Variants in SHISAL2B observed in about 807,000 individuals in gnomAD.
The protein encoded by SHISAL2B is shisa like 2B, also known as protein shisa-like-2B.
A neutral mutation model predicts 16.5 loss-of-function variants in SHISAL2B; 12 were observed. The ratio of observed to expected loss-of-function variants is 0.73; its 90% CI spans 0.47 to 1.18. SHISAL2B has a LOEUF of 1.18. SHISAL2B is among the 50% of genes most tolerant of loss of function. The pLI is 0.00. For missense variants in SHISAL2B, 183 were observed against 193.6 expected, an observed-to-expected ratio of 0.95 and a Z score of 0.33; for synonymous variants, 72 against 75.0, an observed-to-expected ratio of 0.96 and a Z score of 0.21.
chr5:64,695,446 C>T (rs1580518514), intron 1 of SHISAL2B, 61 bp from the exon 2 acceptor site: 2 of 1,178,776 alleles, frequency 1.7e-6, no homozygotes, highest in South Asian at 1.8e-5. Context: ...TATGCCTTCT[C>T]TTTAGTTGAA....
intron 1 of SHISAL2B, chr5:64,694,206 C>A: frequency 2.5e-6 from 1 of 398,662 alleles, no homozygotes; most frequent in Non-Finnish European, 4.9e-6. Flanking sequence ...ACAGGTAGAT[C>A]AATTGGCAGT....
intron 1 of SHISAL2B, chr5:64,691,374 AGTGTGTGTGTGT>A (rs55773294): frequency 7.1e-6 from 1 of 140,212 alleles, no homozygotes; most frequent in Admixed American, 7.0e-5. Context: ...TATTTTTAAA[AGTGTGTGTGTGT>A]GTGTGTGTGT....
chr5:64,690,655 A>G lies in SHISAL2B; in HGVS notation c.32A>G (p.Tyr11Cys). MSEASRLCSGYYSLNQSFVEP... is the reference protein window; with the variant it reads MSEASRLCSGCYSLNQSFVEP... ...GAGGCCAGCCGACTGTGCTCCGGCTACTACAGCCTCAACCAGAGCTTCGTG... is the reference window on the plus strand; with the variant it reads ...GAGGCCAGCCGACTGTGCTCCGGCTGCTACAGCCTCAACCAGAGCTTCGTG... Residue 11 changes from tyrosine to cysteine, a missense_variant, in exon 1 of 3, where the codon TAC becomes TGC. Transcript: ENST00000389074. 1 of 1,526,420 alleles carries G rather than the reference A, an allele frequency of 6.6e-7. No homozygotes were observed. The highest frequency in any genetic ancestry group is 8.8e-7 in the Non-Finnish European group (1 of 1,140,982). The allele number at this position is 1,526,420 out of a possible 1,614,324, so 94.6% of individuals were successfully genotyped here.
chr5:64,711,162 T>C (rs1419657493), intron 2 of SHISAL2B, among the ~76,000 whole-genome samples: 1 of 113,336 alleles, frequency 8.8e-6, no homozygotes. Context: ...CAGTATGATA[T>C]TGGCTGTGGG....
chr5:64,717,572 C>G (rs1580530596), intron 2 of SHISAL2B, among the ~76,000 whole-genome samples: 1 of 152,302 alleles, frequency 6.6e-6, no homozygotes, highest in East Asian at 1.9e-4. Flanking sequence ...AGGAGAGGGA[C>G]AGTCACACTT....
intron 2 of SHISAL2B, 119 bp from the exon 3 acceptor site, chr5:64,717,768 CAT>C: frequency 1.2e-6 from 1 of 825,824 alleles, no homozygotes. Context: ...CACTCATACA[CAT>C]AGCATTTTCA....
At chr5:64,707,791 G>C (rs991904865) in intron 2 of SHISAL2B, among the ~76,000 whole-genome samples, 1 of 152,138 alleles carries the variant, frequency 6.6e-6, no homozygotes, top group African/African-American at 2.4e-5. Flanking sequence ...TAAGCAAAAA[G>C]TCAAAAAGAT....
intron 2 of SHISAL2B, among the ~76,000 whole-genome samples, chr5:64,712,907 T>A (rs1741979924): frequency 6.6e-6 from 1 of 151,100 alleles, no homozygotes; most frequent in Non-Finnish European, 1.5e-5. Flanking sequence ...TCTTCCTCCA[T>A]CCTTTTATTT....
chr5:64,708,980 TG>T (rs1271764811), intron 2 of SHISAL2B, among the ~76,000 whole-genome samples: 1 of 152,010 alleles, frequency 6.6e-6, no homozygotes, highest in Middle Eastern at 3.2e-3. Flanking sequence ...ATCAATACCA[TG>T]CATGTTTCAG....
chr5:64,696,770 G>A (rs1048941621), intron 2 of SHISAL2B, among the ~76,000 whole-genome samples: 3 of 152,214 alleles, frequency 2.0e-5, no homozygotes, highest in African/African-American at 7.2e-5. Flanking sequence ...TGTTTAAGAC[G>A]TTTATCAAGA....
Position 64,690,522 on chromosome 5 carries a change from C to A in SHISAL2B, c.-102C>A. The A allele has an allele frequency of 8.3e-6, 8 of 963,680 alleles. No individual in the cohort carries two copies. The highest frequency in any genetic ancestry group is 9.9e-6 in the Non-Finnish European group (7 of 706,464). The allele number at this position is 963,680 out of a possible 1,614,324, so 59.7% of individuals were successfully genotyped here. A position where few individuals can be genotyped will look rare whatever the true frequency, so the allele number is the denominator to read the frequency against. ...GCAGCCAGAGCCCAGATCGGAAGAG[C>A]CGAGTCCGGGCAGAGGGGTCCGCGG... On this transcript the variant is annotated 5_prime_UTR_variant, in exon 1 of 3. Coordinates refer to ENST00000389074, the MANE Select transcript of SHISAL2B (RefSeq NM_001164442.2).
intron 2 of SHISAL2B, among the ~76,000 whole-genome samples, chr5:64,702,295 G>T (rs1741819514): frequency 1.3e-5 from 2 of 152,146 alleles, no homozygotes; most frequent in South Asian, 4.2e-4. Context: ...CCGCCTCCCG[G>T]GTTCAAGCGG....
In SHISAL2B at chr5:64,695,646, G is replaced by C. The variant is rs2305962; in HGVS notation, c.331G>C (p.Ala111Pro). 0.31 allele frequency: 477,158 copies of C among 1,529,788 alleles called. 77,509 individuals carry two copies. The highest frequency in any genetic ancestry group is 0.54 in the East Asian group (22,227 of 40,786). The allele number at this position is 1,529,788 out of a possible 1,614,324, so 94.8% of individuals were successfully genotyped here. Residue 111 changes from alanine to proline, a missense_variant, in exon 2 of 3, where the codon GCT (alanine) becomes CCT (proline). Coordinates refer to ENST00000389074, the MANE Select transcript of SHISAL2B (RefSeq NM_001164442.2). ...DTGLKLQHLE[A>P]SSTQEGKSNG... ...TGGCCTTAAGCTTCAACACTTAGAGGCTTCTTCCACTCAAGAAGGTAATCA... is the reference window on the plus strand; with the variant it reads ...TGGCCTTAAGCTTCAACACTTAGAGCCTTCTTCCACTCAAGAAGGTAATCA...
At chr5:64,690,863 G>A (rs1192803143) in intron 1 of SHISAL2B, 49 bp downstream of exon 1, 6 of 1,438,510 alleles carry the variant, frequency 4.2e-6, no homozygotes, top group South Asian at 2.8e-5. Flanking sequence ...CCGGGGCTAG[G>A]GAGGCGACAA....
chr5:64,701,483 A>G (rs1308709700), intron 2 of SHISAL2B, among the ~76,000 whole-genome samples: 4 of 152,196 alleles, frequency 2.6e-5, no homozygotes, highest in Admixed American at 6.5e-5. Context: ...AGGAAGATAA[A>G]GCATATTTAT....
At chr5:64,695,332 A>G (rs1741717711) in intron 1 of SHISAL2B, among the ~76,000 whole-genome samples, 175 bp from the exon 2 acceptor site, 2 of 152,120 alleles carry the variant, frequency 1.3e-5, no homozygotes, top group Admixed American at 1.3e-4. Flanking sequence ...AAATATAAGA[A>G]TTTGGTGGTG....
intron 2 of SHISAL2B, among the ~76,000 whole-genome samples, chr5:64,711,211 C>T (rs1741952837): frequency 2.3e-5 from 3 of 131,510 alleles, no homozygotes; most frequent in South Asian, 5.0e-4. Context: ...AAATACGTCC[C>T]ATCAATACCT....
intron 2 of SHISAL2B, among the ~76,000 whole-genome samples, chr5:64,714,047 A>G (rs9654374): frequency 7.6e-5 from 11 of 144,004 alleles, no homozygotes; most frequent in Middle Eastern, 3.4e-3. Flanking sequence ...GCTCGTCAAA[A>G]TCATTCTCCA....
rs1434260798 is a variant in SHISAL2B at position 64,695,558 on chromosome 5, T to C, written c.243T>C (p.Phe81=). The C allele has an allele frequency of 6.5e-7, 1 of 1,536,744 alleles. No homozygotes were observed. Among genetic ancestry groups the C allele is most frequent in the East Asian group, 2.4e-5 (1 of 40,912 alleles). ...TTGCTGCCCTTGTTTTACTCGCCTT[T>C]GTCATCAGTGTCTGTGTCCTTTGCT... is the stretch of plus-strand genomic sequence containing the variant. The part of the protein sequence containing the change: ...LGIAALVLLA[F]VISVCVLCYL... The change falls in exon 2 of 3, where the codon TTT becomes TTC. Residue 81 remains phenylalanine, a synonymous_variant. Transcript: ENST00000389074.
Sources: allele counts gnomAD v4.1 joint callset (sites outside exome capture counted in the v4.1 genomes callset), GRCh38; gene constraint gnomAD v4.1.1; transcripts MANE v1.5; gene names NCBI Gene and HGNC (gene_info 2026-07-23, HGNC 2026-07-21).